SNX29: variants seen among roughly 807,000 people sequenced by gnomAD.
SNX29 encodes sorting nexin 29, also known as sorting nexin-29.
SNX29 carries 78 observed loss-of-function variants against 102.1 expected under a neutral mutation model. That is an observed-to-expected ratio of 0.76 (90% CI 0.64 to 0.92). The LOEUF is 0.92. Among genes scored for constraint, SNX29 ranks in the 40% least tolerant of loss-of-function variants. The probability of loss-of-function intolerance (pLI) is 0.00; values close to 1 mark genes in which losing one functional copy is unlikely to be tolerated. For synonymous variants in SNX29, 580 were observed against 414.5 expected (o/e 1.40, Z -4.85); for missense variants, 1,280 against 1,061.7 (o/e 1.21, Z -2.86).
Position 12,571,620 on chromosome 16 carries a change from ATC to A in SNX29, c.*2993_*2994del, listed in dbSNP as rs2079189429. On this transcript the variant is annotated 3_prime_UTR_variant, in exon 21 of 21. Transcript: ENST00000566228. ...CAGAACAGCAGGTTCCATCTTTCACATCTTTTTTTCTCCCCCAGATGAAAGAC... is the reference window on the plus strand; with the variant it reads ...CAGAACAGCAGGTTCCATCTTTCACATTTTTTTCTCCCCCAGATGAAAGAC... The A allele has an allele frequency of 9.4e-7, 1 of 1,058,542 alleles. No homozygotes were observed. Among genetic ancestry groups the A allele is most frequent in the Admixed American group, 5.4e-5 (1 of 18,472 alleles). 65.6% of individuals were successfully genotyped at this position (1,058,542 alleles called of 1,614,324 possible).
intron 3 of SNX29, among the ~76,000 whole-genome samples, chr16:12,019,587 T>TATAG (rs1316480647): frequency 2.5e-5 from 2 of 79,328 alleles, no homozygotes; most frequent in East Asian, 4.9e-4. Flanking sequence ...TGTAAATATA[T>TATAG]ATATATAGAT....
Position 12,568,760 on chromosome 16 carries a change from A to C in SNX29, c.*131A>C. 1 of 1,339,400 alleles carries C rather than the reference A, an allele frequency of 7.5e-7. No individual in the cohort carries two copies. Among genetic ancestry groups the C allele is most frequent in the Non-Finnish European group, 1.0e-6 (1 of 1,000,318 alleles). 83.0% of individuals were successfully genotyped at this position (1,339,400 alleles called of 1,614,324 possible). A position where few individuals can be genotyped will look rare whatever the true frequency, so the allele number is the denominator to read the frequency against. On this transcript the variant is annotated 3_prime_UTR_variant, in exon 21 of 21. Transcript: ENST00000566228. ...TGATCCTGAGAGCACACGATTCCCAACAGTTACACAACACCCCGATTAAAC... is the reference window on the plus strand; with the variant it reads ...TGATCCTGAGAGCACACGATTCCCACCAGTTACACAACACCCCGATTAAAC...
At chr16:12,273,178 C>G (rs1156829694) in intron 14 of SNX29, among the ~76,000 whole-genome samples, 3 of 152,200 alleles carry the variant, frequency 2.0e-5, no homozygotes, top group African/African-American at 7.2e-5. Flanking sequence ...CCAAGGCAGT[C>G]TCTCCTGGTG....
chr16:11,994,963 C>T (rs1257358151), intron 1 of SNX29, among the ~76,000 whole-genome samples: 2 of 152,152 alleles, frequency 1.3e-5, no homozygotes, highest in Non-Finnish European at 2.9e-5. Context: ...AGGATGAGAG[C>T]TCAGGCCTTG....
chr16:11,988,162 C>G (rs1050676816), intron 1 of SNX29, among the ~76,000 whole-genome samples: 3 of 151,900 alleles, frequency 2.0e-5, no homozygotes, highest in Non-Finnish European at 1.5e-5. Flanking sequence ...GGTGTGGTGG[C>G]GGGTGCCTGT....
chr16:12,025,962 A>G (rs1193600586), intron 3 of SNX29, among the ~76,000 whole-genome samples: 2 of 152,166 alleles, frequency 1.3e-5, no homozygotes, highest in Non-Finnish European at 2.9e-5. Context: ...TAAAATGGAG[A>G]TAATAGTACG....
intron 20 of SNX29, among the ~76,000 whole-genome samples, chr16:12,563,167 G>A (rs1427939123): frequency 6.0e-5 from 9 of 150,062 alleles, no homozygotes; most frequent in Non-Finnish European, 1.0e-4. Flanking sequence ...GGGCAACTCT[G>A]GGCTCAGGGA....
At chr16:12,362,551 A>ACCCCCCC (rs1464136306) in intron 16 of SNX29, among the ~76,000 whole-genome samples, 1 of 23,494 alleles carries the variant, frequency 4.3e-5, no homozygotes, top group African/African-American at 1.4e-4. Flanking sequence ...TGGCTGCTGC[A>ACCCCCCC]CTCCCCCCCC....
intron 20 of SNX29, among the ~76,000 whole-genome samples, chr16:12,552,675 G>T (rs111525112): frequency 6.6e-6 from 1 of 152,240 alleles, no homozygotes; most frequent in African/African-American, 2.4e-5. Flanking sequence ...GCCATGCAGG[G>T]CGTTTACAAG....
intron 11 of SNX29, chr16:12,087,875 G>T (rs930312786): frequency 2.2e-6 from 1 of 456,810 alleles, no homozygotes; most frequent in African/African-American, 2.0e-5. Context: ...TTTTGTGTTC[G>T]ATAGGCTAAG....
chr16:12,278,604 C>T (rs1019201083), intron 15 of SNX29, among the ~76,000 whole-genome samples: 3 of 152,122 alleles, frequency 2.0e-5, no homozygotes, highest in Non-Finnish European at 4.4e-5. Context: ...ACACAAAGAG[C>T]CCTTTGCTAT....
intron 19 of SNX29, among the ~76,000 whole-genome samples, chr16:12,521,865 C>G (rs2151949610): frequency 6.6e-6 from 1 of 152,348 alleles, no homozygotes; most frequent in South Asian, 2.1e-4. Flanking sequence ...TAAATATCTT[C>G]TCTCATTCGC....
rs141917687 is a variant in SNX29 at position 12,056,866 on chromosome 16, C to T, written c.1124+4644C>T. ...TTGAGACAGGTCTTGCTCTGTCATC[C>T]AGGCTGGAGTGCAGTGGCCTGATCA... On this transcript the variant is annotated intron_variant, in intron 8 of 20. Transcript: ENST00000566228. Among the ~76,000 whole-genome samples, 558 of 152,138 alleles carry T rather than the reference C, an allele frequency of 3.7e-3. 4 individuals are homozygous for T. The highest frequency in any genetic ancestry group is 0.013 in the African/African-American group (535 of 41,470).
At chr16:12,150,414 A>C (rs560228010) in intron 13 of SNX29, among the ~76,000 whole-genome samples, 1 of 152,342 alleles carries the variant, frequency 6.6e-6, no homozygotes, top group South Asian at 2.1e-4. Flanking sequence ...ATGGATAAAC[A>C]AGATGTGAAT....
intron 20 of SNX29, among the ~76,000 whole-genome samples, chr16:12,552,046 G>A (rs2078010509): frequency 6.6e-6 from 1 of 151,404 alleles, no homozygotes; most frequent in Admixed American, 6.6e-5. Flanking sequence ...CAGATGGGAA[G>A]GATTTTTGGG....
At chr16:12,204,492 T>C (rs2076996705) in intron 14 of SNX29, among the ~76,000 whole-genome samples, 1 of 152,176 alleles carries the variant, frequency 6.6e-6, no homozygotes, top group African/African-American at 2.4e-5. Context: ...ATGGCCACCA[T>C]AGCGTAGTCC....
At chr16:12,475,064 C>T (rs368124220) in intron 18 of SNX29, among the ~76,000 whole-genome samples, 119 of 152,320 alleles carry the variant, frequency 7.8e-4, no homozygotes, top group African/African-American at 2.3e-3. Flanking sequence ...CTGCGCTATT[C>T]GTAGACCTGA....
chr16:12,071,247 G>A (rs1264409402), intron 10 of SNX29, among the ~76,000 whole-genome samples: 1 of 152,268 alleles, frequency 6.6e-6, no homozygotes, highest in Non-Finnish European at 1.5e-5. Flanking sequence ...CCTTGCCCAT[G>A]CCTATGTTCT....
chr16:12,558,753 C>A (rs533043173), intron 20 of SNX29, among the ~76,000 whole-genome samples: 21 of 152,216 alleles, frequency 1.4e-4, no homozygotes, highest in African/African-American at 5.1e-4. Context: ...GTCCCAGGCC[C>A]ATTGGGTGAT....
Sources: gnomAD v4.1 joint callset for allele counts (sites outside exome capture counted in the v4.1 genomes callset) on GRCh38, gnomAD v4.1.1 for gene constraint, MANE v1.5 for transcripts, NCBI Gene and HGNC (gene_info 2026-07-23, HGNC 2026-07-21) for gene names.